ROBO1: variants seen among roughly 807,000 people sequenced by gnomAD.
The protein encoded by ROBO1 is roundabout guidance receptor 1.
A neutral mutation model predicts 195.9 loss-of-function variants in ROBO1; 149 were observed. That is an observed-to-expected ratio of 0.76 (90% confidence interval 0.67 to 0.87). ROBO1 has a LOEUF of 0.87. ROBO1 is among the 40% of genes least tolerant of loss of function. The pLI is 0.00. For synonymous variants in ROBO1, 816 were observed against 733.2 expected, an observed-to-expected ratio of 1.11 and a Z score of -1.82; for missense variants, 1,933 against 2,068.3, an observed-to-expected ratio of 0.93 and a Z score of 1.27.
At chr3:78,787,582 A>G (rs761278525) in intron 4 of ROBO1, among the ~76,000 whole-genome samples, 9 of 152,162 alleles carry the variant, frequency 5.9e-5, no homozygotes, top group African/African-American at 1.7e-4. Context: ...ACAAGCTATC[A>G]CCTATGTGCG....
At chr3:78,754,139 A>C (rs1355775705) in intron 4 of ROBO1, among the ~76,000 whole-genome samples, 2 of 152,214 alleles carry the variant, frequency 1.3e-5, no homozygotes, top group African/African-American at 4.8e-5. Context: ...GGTTATTATG[A>C]AAGCTAATTA....
intron 1 of ROBO1, among the ~76,000 whole-genome samples, chr3:79,657,746 C>T (rs1038283599): frequency 2.5e-4 from 38 of 152,086 alleles, no homozygotes; most frequent in Middle Eastern, 6.8e-3. Flanking sequence ...AACTTATATT[C>T]TTAGAAATAA....
chr3:78,791,044 G>A (rs915488665), intron 4 of ROBO1, among the ~76,000 whole-genome samples: 3 of 152,170 alleles, frequency 2.0e-5, no homozygotes, highest in African/African-American at 7.2e-5. Flanking sequence ...GCTAGCGAGA[G>A]GATGGATCTT....
At chr3:79,731,312 C>T (rs1261801751) in intron 1 of ROBO1, among the ~76,000 whole-genome samples, 1 of 152,096 alleles carries the variant, frequency 6.6e-6, no homozygotes, top group East Asian at 1.9e-4. Context: ...TGGGATGTCC[C>T]TGTTTTGCAA....
At chr3:79,239,597 G>A (rs542492669) in intron 2 of ROBO1, among the ~76,000 whole-genome samples, 3 of 152,286 alleles carry the variant, frequency 2.0e-5, no homozygotes, top group African/African-American at 7.2e-5. Flanking sequence ...GTTGTCAGTG[G>A]TATTATCAAC....
intron 2 of ROBO1, among the ~76,000 whole-genome samples, chr3:79,377,983 A>G (rs1014462042): frequency 6.6e-6 from 1 of 152,182 alleles, no homozygotes; most frequent in African/African-American, 2.4e-5. Flanking sequence ...GGCAGTCCTC[A>G]TGTTCTTGCT....
chr3:79,697,526 T>C (rs1393204927), intron 1 of ROBO1, among the ~76,000 whole-genome samples: 1 of 151,334 alleles, frequency 6.6e-6, no homozygotes, highest in Non-Finnish European at 1.5e-5. Context: ...CATATAGACA[T>C]TATGGCCTAA....
At chr3:79,661,209 A>C (rs1415883938) in intron 1 of ROBO1, among the ~76,000 whole-genome samples, 2 of 151,886 alleles carry the variant, frequency 1.3e-5, no homozygotes, top group African/African-American at 4.8e-5. Context: ...TCAGAGATCC[A>C]CTCCATGGTA....
At chr3:79,250,783 C>T (rs894798314) in intron 2 of ROBO1, among the ~76,000 whole-genome samples, 6 of 152,098 alleles carry the variant, frequency 3.9e-5, no homozygotes, top group African/African-American at 4.8e-5. Flanking sequence ...GGGCCAGGCG[C>T]GTTGGCTCAC....
At chr3:79,525,153 C>CA (rs1331844404) in intron 2 of ROBO1, among the ~76,000 whole-genome samples, 1 of 150,698 alleles carries the variant, frequency 6.6e-6, no homozygotes, top group African/African-American at 2.4e-5. Flanking sequence ...GTTTATCAAA[C>CA]AAAAAAATTG....
intron 3 of ROBO1, chr3:79,019,223 G>C: frequency 2.0e-6 from 2 of 986,144 alleles, no homozygotes; most frequent in Non-Finnish European, 2.4e-6. Context: ...CCTCTGGGGC[G>C]CTCGCAGGCA....
intron 4 of ROBO1, among the ~76,000 whole-genome samples, chr3:78,927,081 A>G (rs897882015): frequency 1.3e-5 from 2 of 152,206 alleles, no homozygotes; most frequent in African/African-American, 2.4e-5. Context: ...CAAGGCCATT[A>G]AGAGTAACAG....
intron 2 of ROBO1, among the ~76,000 whole-genome samples, chr3:79,270,796 T>C (rs933062724): frequency 6.6e-6 from 1 of 151,940 alleles, no homozygotes; most frequent in African/African-American, 2.4e-5. Context: ...AATACTTCCC[T>C]GGCCACAATG....
intron 2 of ROBO1, among the ~76,000 whole-genome samples, chr3:79,444,716 A>C (rs1269166817): frequency 6.6e-6 from 1 of 152,236 alleles, no homozygotes; most frequent in East Asian, 1.9e-4. Context: ...AATCAAATGT[A>C]CATGAATAGT....
intron 2 of ROBO1, among the ~76,000 whole-genome samples, chr3:79,150,725 C>G (rs901042085): frequency 6.6e-6 from 1 of 151,774 alleles, no homozygotes; most frequent in African/African-American, 2.4e-5. Flanking sequence ...CAGGTTTACA[C>G]ATAAATATTT....
chr3:79,625,079 C>T (rs555044521), intron 1 of ROBO1, among the ~76,000 whole-genome samples: 4 of 152,150 alleles, frequency 2.6e-5, no homozygotes, highest in African/African-American at 9.6e-5. Context: ...GGAAAATGAA[C>T]AACCTGCTTC....
At chr3:79,207,802 AT>A (rs1408761775) in intron 2 of ROBO1, among the ~76,000 whole-genome samples, 3 of 151,824 alleles carry the variant, frequency 2.0e-5, no homozygotes, top group Admixed American at 6.6e-5. Context: ...AAAAAAAAAA[AT>A]CCATCGACTT....
chr3:79,057,150 G>A (rs2078826130), intron 3 of ROBO1, among the ~76,000 whole-genome samples: 1 of 152,054 alleles, frequency 6.6e-6, no homozygotes, highest in African/African-American at 2.4e-5. Context: ...GGCTGTTACA[G>A]TGTTCACTGA....
chr3:78,763,384 T>C (rs1046938557), intron 4 of ROBO1, among the ~76,000 whole-genome samples: 2 of 152,182 alleles, frequency 1.3e-5, no homozygotes, highest in African/African-American at 4.8e-5. Flanking sequence ...AATCCATGAA[T>C]GCTGCCTCCA....
Sources: gnomAD v4.1 joint callset for allele counts (sites outside exome capture counted in the v4.1 genomes callset) on GRCh38, gnomAD v4.1.1 for gene constraint, MANE v1.5 for transcripts, NCBI Gene and HGNC (gene_info 2026-07-23, HGNC 2026-07-21) for gene names.